Variants in ANKFN1 observed in about 807,000 individuals in gnomAD.
ANKFN1 encodes ankyrin repeat and fibronectin type III domain containing 1.
A neutral mutation model predicts 108.7 loss-of-function variants in ANKFN1; 74 were observed. The observed-to-expected ratio is 0.68, with a 90% CI of 0.56 to 0.83. The LOEUF is 0.83. Among genes scored for constraint, ANKFN1 ranks in the 40% least tolerant of loss-of-function variants. The pLI, the probability that ANKFN1 is intolerant of heterozygous loss-of-function variation, is 0.00. For synonymous variants in ANKFN1, 547 were observed against 516.2 expected (o/e 1.06, Z -0.81); for missense variants, 1,505 against 1,382.3 (o/e 1.09, Z -1.41).
intron 15 of ANKFN1, among the ~76,000 whole-genome samples, chr17:56,477,006 AATTTGGATTCT>A (rs2050522388): frequency 6.6e-6 from 1 of 152,204 alleles, no homozygotes; most frequent in Non-Finnish European, 1.5e-5. Context: ...CTTACTATAA[AATTTGGATTCT>A]ATTTTAAATC....
At chr17:56,066,948 T>C (rs1457211103) in intron 4 of ANKFN1, among the ~76,000 whole-genome samples, 2 of 152,142 alleles carry the variant, frequency 1.3e-5, no homozygotes, top group Non-Finnish European at 2.9e-5. Context: ...CCCAGCACTT[T>C]GGGAGGCCAA....
intron 4 of ANKFN1, among the ~76,000 whole-genome samples, chr17:56,123,593 T>C (rs1428702675): frequency 6.6e-6 from 1 of 152,188 alleles, no homozygotes; most frequent in Non-Finnish European, 1.5e-5. Flanking sequence ...AACTGCACTT[T>C]AAATTAGTAT....
intron 8 of ANKFN1, among the ~76,000 whole-genome samples, chr17:56,380,701 A>C (rs1397862972): frequency 1.3e-5 from 2 of 152,202 alleles, no homozygotes; most frequent in East Asian, 3.8e-4. Context: ...GCAGTCTGAG[A>C]TCAAACTGCA....
chr17:56,049,178 G>A (rs544685716), intron 4 of ANKFN1, among the ~76,000 whole-genome samples: 2 of 152,260 alleles, frequency 1.3e-5, no homozygotes, highest in African/African-American at 4.8e-5. Flanking sequence ...AGATTAATCT[G>A]TGCTTCCCTG....
intron 3 of ANKFN1, among the ~76,000 whole-genome samples, chr17:56,302,173 A>C (rs16957077): frequency 0.19 from 29,330 of 152,142 alleles, 3,728 homozygotes; most frequent in African/African-American, 0.37. Flanking sequence ...GCGTAGTTAA[A>C]AAAACTTGTC....
chr17:56,158,602 C>A (rs1216923531), intron 1 of ANKFN1, among the ~76,000 whole-genome samples: 4 of 152,122 alleles, frequency 2.6e-5, no homozygotes, highest in African/African-American at 9.7e-5. Context: ...TAAGAAACTG[C>A]TGAAATGAAT....
intron 1 of ANKFN1, among the ~76,000 whole-genome samples, chr17:56,162,210 C>T (rs182953231): frequency 1.3e-5 from 2 of 152,280 alleles, no homozygotes; most frequent in East Asian, 1.9e-4. Flanking sequence ...AAAATGTCCA[C>T]ATTATAAACT....
intron 2 of ANKFN1, among the ~76,000 whole-genome samples, chr17:56,217,652 T>C (rs1183650203): frequency 6.6e-6 from 1 of 151,064 alleles, no homozygotes; most frequent in African/African-American, 2.5e-5. Flanking sequence ...ATGTCCATAG[T>C]ACTAAGGTTG....
At chr17:56,509,537 G>T (rs1448584156) in intron 20 of ANKFN1, among the ~76,000 whole-genome samples, 1 of 152,084 alleles carries the variant, frequency 6.6e-6, no homozygotes. Flanking sequence ...TAATTATATC[G>T]CCATGCTTAG....
At chr17:56,187,823 A>G (rs931927549) in intron 1 of ANKFN1, among the ~76,000 whole-genome samples, 5 of 152,090 alleles carry the variant, frequency 3.3e-5, no homozygotes, top group Non-Finnish European at 5.9e-5. Context: ...TGAGCAAACT[A>G]TCGCAAGGAC....
chr17:56,237,339 C>G (rs1341395426), intron 3 of ANKFN1, among the ~76,000 whole-genome samples: 2 of 152,208 alleles, frequency 1.3e-5, no homozygotes, highest in Non-Finnish European at 2.9e-5. Context: ...GGAATTGTAC[C>G]AGCTCTAAAC....
intron 3 of ANKFN1, among the ~76,000 whole-genome samples, chr17:56,314,604 T>C (rs2045144227): frequency 6.6e-6 from 1 of 152,206 alleles, no homozygotes; most frequent in Non-Finnish European, 1.5e-5. Flanking sequence ...TAATTTCACT[T>C]TATAGATAAG....
chr17:56,100,105 A>G (rs1905613124), intron 4 of ANKFN1, among the ~76,000 whole-genome samples: 1 of 152,354 alleles, frequency 6.6e-6, no homozygotes, highest in Admixed American at 6.5e-5. Flanking sequence ...TGATCAAAAT[A>G]ATTATTCTCT....
At chr17:56,182,746 A>G (rs1911804685) in intron 1 of ANKFN1, among the ~76,000 whole-genome samples, 1 of 152,244 alleles carries the variant, frequency 6.6e-6, no homozygotes, top group Admixed American at 6.5e-5. Context: ...TTCTATTGAA[A>G]GAAGATGCCA....
chr17:56,415,227 A>C (rs1445976684), intron 8 of ANKFN1, among the ~76,000 whole-genome samples: 3 of 152,222 alleles, frequency 2.0e-5, no homozygotes, highest in Non-Finnish European at 2.9e-5. Context: ...CAAGACAAAG[A>C]AATAGAAGAC....
intron 8 of ANKFN1, among the ~76,000 whole-genome samples, chr17:56,379,367 C>T (rs561178050): frequency 9.2e-5 from 14 of 151,446 alleles, no homozygotes; most frequent in Admixed American, 2.0e-4. Flanking sequence ...CCACTGCACT[C>T]CAGCCTGGGT....
intron 14 of ANKFN1, among the ~76,000 whole-genome samples, chr17:56,465,974 C>T (rs186566563): frequency 1.3e-5 from 2 of 152,320 alleles, no homozygotes; most frequent in African/African-American, 4.8e-5. Context: ...CAGAAGCATA[C>T]TTTAAATATC....
At position 56,112,579 on chromosome 17, in the gene ANKFN1, T is replaced by C. The variant is rs534939489; in HGVS notation, c.288+66254T>C. ...ATAACCACCATTGGCTGGATAATGT[T>C]TTCTAAAAATGAACAGGAACACACA... On this transcript the variant is annotated intron_variant, in intron 4 of 12. Coordinates refer to the ANKFN1 transcript ENST00000635860. 1.7e-4 allele frequency among the ~76,000 whole-genome samples: 26 copies of C among 152,212 alleles called. No homozygotes were observed. In the South Asian group the frequency reaches 5.0e-3, roughly 29 times the overall value.
At chr17:56,416,201 A>C (rs1051143507) in intron 8 of ANKFN1, among the ~76,000 whole-genome samples, 1 of 152,190 alleles carries the variant, frequency 6.6e-6, no homozygotes, top group African/African-American at 2.4e-5. Flanking sequence ...CCAAAGCAAA[A>C]ATTCTCAAAT....
Sources: allele counts gnomAD v4.1 joint callset (sites outside exome capture counted in the v4.1 genomes callset), GRCh38; gene constraint gnomAD v4.1.1; transcripts MANE v1.5; gene names NCBI Gene and HGNC (gene_info 2026-07-23, HGNC 2026-07-21).